CAMTA1: variants seen among roughly 807,000 people sequenced by gnomAD.
The protein encoded by CAMTA1 is calmodulin-binding transcription activator 1.
Under a neutral mutation model 170.9 loss-of-function variants are expected in CAMTA1, and 27 were observed. The ratio of observed to expected loss-of-function variants is 0.16; its 90% confidence interval spans 0.12 to 0.22. The LOEUF is 0.22. CAMTA1 is among the 10% of genes least tolerant of loss of function. The probability of loss-of-function intolerance (pLI) is 1.00; values close to 1 mark genes in which losing one functional copy is unlikely to be tolerated. For synonymous variants in CAMTA1, 833 were observed against 891.5 expected (o/e 0.93, Z 1.17); for missense variants, 1,619 against 2,217.2 (o/e 0.73, Z 5.42).
At chr1:6,839,819 T>G (rs1414490283) in intron 3 of CAMTA1, among the ~76,000 whole-genome samples, 1 of 152,070 alleles carries the variant, frequency 6.6e-6, no homozygotes, top group Non-Finnish European at 1.5e-5. Context: ...AAAAAAAAGT[T>G]GTTGATTGGA....
chr1:7,533,596 G>A (rs181753000), intron 6 of CAMTA1, among the ~76,000 whole-genome samples: 1 of 152,118 alleles, frequency 6.6e-6, no homozygotes, highest in Non-Finnish European at 1.5e-5. Context: ...GGGGCTCCTG[G>A]ACTTCTCCAG....
At position 7,293,744 on chromosome 1, in the gene CAMTA1, G is replaced by GGGA. The variant is rs745843638; in HGVS notation, c.438+44120_438+44122dup. On this transcript the variant is annotated intron_variant, in intron 5 of 22. Transcript: ENST00000303635. The surrounding 1 kb of genome is among the most constrained non-coding windows in gnomAD (Gnocchi z 4.1). ...GCTTCAAGTTATTGGGGTTCCCCTGGGGAGCATCTTCTTGGTTCTTGTAAT... is the reference window on the plus strand; with the variant it reads ...GCTTCAAGTTATTGGGGTTCCCCTGGGGAGGAGCATCTTCTTGGTTCTTGTAAT... Among the ~76,000 whole-genome samples the GGGA allele has an allele frequency of 1.2e-3, 177 of 152,258 alleles. No homozygotes were observed. The highest frequency in any genetic ancestry group is 3.4e-3 in the Middle Eastern group (1 of 292).
intron 3 of CAMTA1, among the ~76,000 whole-genome samples, chr1:6,855,510 G>A (rs1440508994): frequency 2.0e-5 from 3 of 151,558 alleles, no homozygotes; most frequent in Non-Finnish European, 4.4e-5. Context: ...TTAAACAGTC[G>A]GATCTCCTGA....
At chr1:7,053,869 A>C (rs570275135) in intron 3 of CAMTA1, among the ~76,000 whole-genome samples, 4 of 152,302 alleles carry the variant, frequency 2.6e-5, no homozygotes, top group South Asian at 2.1e-4. Flanking sequence ...TGCTGCGTGG[A>C]ATCTGGAGTC....
At chr1:7,077,630 A>G (rs1639474262) in intron 3 of CAMTA1, among the ~76,000 whole-genome samples, 1 of 151,754 alleles carries the variant, frequency 6.6e-6, no homozygotes, top group Non-Finnish European at 1.5e-5. Flanking sequence ...TGTATCTTGG[A>G]TGTGTTAATT....
chr1:6,891,520 C>T (rs1674490310), intron 3 of CAMTA1, among the ~76,000 whole-genome samples: 1 of 152,134 alleles, frequency 6.6e-6, no homozygotes, highest in Non-Finnish European at 1.5e-5. Context: ...AAATATTTTC[C>T]CTGCTTGTAC....
chr1:7,534,665 G>A lies in CAMTA1; in HGVS notation c.510+66764G>A, dbSNP rs1434003242. Among the ~76,000 whole-genome samples the A allele has an allele frequency of 1.3e-5, 2 of 152,164 alleles. No individual in the cohort carries two copies. The highest frequency in any genetic ancestry group is 1.9e-4 in the East Asian group (1 of 5,182). ...GCTGTCCAGGGTCACAGCAGTGGAC[G>A]TTCGGGCCGAGGGGAGCTGAGGCCA... On this transcript the variant is annotated intron_variant, in intron 6 of 22. Coordinates refer to ENST00000303635, the MANE Select transcript of CAMTA1 (RefSeq NM_015215.4). The surrounding 1 kb of genome is among the most constrained non-coding windows in gnomAD (Gnocchi z 5.6).
intron 6 of CAMTA1, among the ~76,000 whole-genome samples, chr1:7,506,556 A>G (rs2094114191): frequency 6.6e-6 from 1 of 152,124 alleles, no homozygotes; most frequent in African/African-American, 2.4e-5. Context: ...ACACATGCTC[A>G]CAAGCTCACT....
chr1:6,805,608 C>T (rs957195846), intron 1 of CAMTA1, among the ~76,000 whole-genome samples: 4 of 152,170 alleles, frequency 2.6e-5, no homozygotes, highest in African/African-American at 4.8e-5. Context: ...TGGGCTTAAG[C>T]GGTCCTCCCA....
At chr1:7,643,679 A>G (rs2095783539) in intron 7 of CAMTA1, among the ~76,000 whole-genome samples, 1 of 152,248 alleles carries the variant, frequency 6.6e-6, no homozygotes, top group African/African-American at 2.4e-5. Flanking sequence ...AAAATTATGT[A>G]AAACTACAAC....
chr1:7,363,873 A>C (rs903641631), intron 5 of CAMTA1, among the ~76,000 whole-genome samples: 1 of 152,148 alleles, frequency 6.6e-6, no homozygotes, highest in African/African-American at 2.4e-5. Context: ...GCCCCCCTCA[A>C]AGGCATAGCA....
chr1:7,150,660 T>C (rs1646519499), intron 4 of CAMTA1, among the ~76,000 whole-genome samples: 2 of 151,682 alleles, frequency 1.3e-5, no homozygotes, highest in African/African-American at 2.4e-5. Context: ...CGAGAACCAC[T>C]GCTCCACCCA....
At chr1:7,709,937 CT>C (rs924903509) in intron 11 of CAMTA1, among the ~76,000 whole-genome samples, 11 of 152,182 alleles carry the variant, frequency 7.2e-5, no homozygotes, top group African/African-American at 2.4e-4. Context: ...GCTTCTATTT[CT>C]TTCTGTGGAC....
rs1655289826 is a variant in CAMTA1 at position 7,195,203 on chromosome 1, TG to T, written c.303-54287del. On this transcript the variant is annotated intron_variant, in intron 4 of 22. Transcript: ENST00000303635. The surrounding 1 kb of genome is among the most constrained non-coding windows in gnomAD (Gnocchi z 4.1). ...AGGGCTGGGCAGCTTGATGGACATT[TG>T]TGCCGTCCACCTTGCAGGCATATGG... is the stretch of plus-strand genomic sequence containing the variant. 6.6e-6 allele frequency among the ~76,000 whole-genome samples: 1 copy of T among 152,202 alleles called. No homozygotes were observed. The highest frequency in any genetic ancestry group is 2.4e-5 in the African/African-American group (1 of 41,466).
intron 3 of CAMTA1, among the ~76,000 whole-genome samples, chr1:7,006,741 C>G (rs1033683003): frequency 6.6e-6 from 1 of 152,166 alleles, no homozygotes; most frequent in African/African-American, 2.4e-5. Context: ...CACCCCAACC[C>G]AGAGCCTCTG....
rs565263842 is a variant in CAMTA1 at position 7,467,714 on chromosome 1, C to T, written c.439-116C>T. On this transcript the variant is annotated intron_variant, in intron 5 of 22. Transcript: ENST00000303635. ...CAGACGCAGAGGTGCCCTCGGTCTC[C>T]CTGGGCCGCTGCCAGGCGGCTGTGG... The T allele has an allele frequency of 6.3e-6, 6 of 945,054 alleles. No homozygotes were observed. In the African/African-American group the frequency reaches 6.4e-5, roughly 10 times the overall value. The allele number at this position is 945,054 out of a possible 1,614,324, so 58.5% of individuals were successfully genotyped here. A position where few individuals can be genotyped will look rare whatever the true frequency, so the allele number is the denominator to read the frequency against.
At position 6,905,706 on chromosome 1, in the gene CAMTA1, G is replaced by GCA. The variant is rs1557801755; in HGVS notation, c.234+80496_234+80497insCA. ...TCCGTGCCCCTGCCCCCTGCTTTGC[G>GCA]TTTGCATTGTGCTTTGTCTCTTATT... On this transcript the variant is annotated intron_variant, in intron 3 of 22. Transcript: ENST00000303635. Among the ~76,000 whole-genome samples, 620 of 152,244 alleles carry GCA rather than the reference G, an allele frequency of 4.1e-3. 7 individuals carry two copies. Among genetic ancestry groups the GCA allele is most frequent in the African/African-American group, 0.015 (606 of 41,540 alleles).
chr1:6,953,268 C>T (rs11120795), intron 3 of CAMTA1, among the ~76,000 whole-genome samples: 53,826 of 152,014 alleles, frequency 0.35, 9,706 homozygotes, highest in East Asian at 0.54. Context: ...TAGAAACTGT[C>T]GAGAGCTCTC....
At chr1:7,312,161 TCTC>T (rs1426538226) in intron 5 of CAMTA1, among the ~76,000 whole-genome samples, 1 of 152,078 alleles carries the variant, frequency 6.6e-6, no homozygotes, top group Non-Finnish European at 1.5e-5. Flanking sequence ...CAACATGAGT[TCTC>T]CTTACCTCCT....
Sources: allele counts gnomAD v4.1 joint callset (sites outside exome capture counted in the v4.1 genomes callset), GRCh38; gene constraint gnomAD v4.1.1; non-coding constraint Gnocchi (gnomAD v3.1); transcripts MANE v1.5; gene names NCBI Gene and HGNC (gene_info 2026-07-23, HGNC 2026-07-21).